The following EGFLAM variants were observed in gnomAD, a reference collection of about 807,000 sequenced individuals.
EGFLAM encodes pikachurin.
A neutral mutation model predicts 113.1 loss-of-function variants in EGFLAM; 79 were observed. That is an observed-to-expected ratio of 0.70 (90% CI 0.58 to 0.84). The LOEUF (loss-of-function observed/expected upper bound fraction) is 0.84, where lower values mean the gene tolerates loss of function less well. Ranked by LOEUF, EGFLAM falls within the 40% of genes least tolerant of loss-of-function variation. The pLI is 0.00. For synonymous variants in EGFLAM, 504 were observed against 487.6 expected, an observed-to-expected ratio of 1.03 and a Z score of -0.44; for missense variants, 1,265 against 1,291.6, an observed-to-expected ratio of 0.98 and a Z score of 0.32.
Position 38,418,179 on chromosome 5 carries a change from G to A in EGFLAM, c.1608G>A (p.Gln536=). 6.2e-7 allele frequency: 1 copy of A among 1,614,204 alleles called. No homozygotes were observed. The change falls in exon 12 of 22, where the codon CAG becomes CAA. Residue 536 remains glutamine (Q), a synonymous_variant. Transcript: ENST00000322350. ...GTNRGFQGCV[Q]SLAVNGRRID... ...ACCGAGGCTTTCAAGGCTGTGTGCA[G>A]TCGCTCGCTGTGAATGGGAGGAGAA...
intron 1 of EGFLAM, among the ~76,000 whole-genome samples, chr5:38,265,123 G>T (rs1757601833): frequency 6.6e-6 from 1 of 152,184 alleles, no homozygotes; most frequent in Non-Finnish European, 1.5e-5. Context: ...GGGAAGAGTG[G>T]CTTGGCCAGA....
intron 1 of EGFLAM, among the ~76,000 whole-genome samples, chr5:38,297,764 TG>T (rs1336870378): frequency 6.6e-6 from 1 of 152,252 alleles, no homozygotes; most frequent in Non-Finnish European, 1.5e-5. Context: ...TTATTGTCCC[TG>T]GGCTCACTAT....
intron 1 of EGFLAM, among the ~76,000 whole-genome samples, chr5:38,280,250 A>T (rs1333237299): frequency 6.6e-6 from 1 of 152,242 alleles, no homozygotes; most frequent in Non-Finnish European, 1.5e-5. Context: ...ACAAATCTTT[A>T]CCCATAGTGA....
At chr5:38,411,053 A>T (rs1270663426) in intron 10 of EGFLAM, among the ~76,000 whole-genome samples, 2 of 152,030 alleles carry the variant, frequency 1.3e-5, no homozygotes, top group Admixed American at 6.5e-5. Context: ...TTTTTCCTTT[A>T]CTTTTCTTAT....
chr5:38,457,575 C>T (rs1163569086), intron 19 of EGFLAM, among the ~76,000 whole-genome samples: 1 of 152,174 alleles, frequency 6.6e-6, no homozygotes, highest in Non-Finnish European at 1.5e-5. Flanking sequence ...ATATTGGATC[C>T]ATGGCTGCCC....
At chr5:38,388,910 G>A (rs1166619239) in intron 6 of EGFLAM, among the ~76,000 whole-genome samples, 10 of 135,924 alleles carry the variant, frequency 7.4e-5, no homozygotes, top group Admixed American at 3.0e-4. Context: ...GCAAGACCCT[G>A]TCTCAAGAAA....
intron 1 of EGFLAM, among the ~76,000 whole-genome samples, chr5:38,331,101 T>C (rs1317275903): frequency 2.6e-5 from 4 of 152,190 alleles, no homozygotes; most frequent in Non-Finnish European, 5.9e-5. Flanking sequence ...TTTAAAAGAC[T>C]ATTTAGAGTT....
chr5:38,370,961 A>G (rs6879031), intron 6 of EGFLAM, among the ~76,000 whole-genome samples: 20,846 of 152,166 alleles, frequency 0.14, 1,495 homozygotes, highest in African/African-American at 0.17. Flanking sequence ...CCAATGGTGT[A>G]TGTTCTCATA....
At chr5:38,365,125 C>T (rs1740025571) in intron 5 of EGFLAM, among the ~76,000 whole-genome samples, 1 of 152,166 alleles carries the variant, frequency 6.6e-6, no homozygotes, top group South Asian at 2.1e-4. Flanking sequence ...AGGATTTAAC[C>T]AGTTTTAGCC....
chr5:38,438,524 C>T, intron 17 of EGFLAM, 69 bp downstream of exon 17: 1 of 1,414,198 alleles, frequency 7.1e-7, no homozygotes, highest in Non-Finnish European at 9.3e-7. Context: ...ATTGGGGGAC[C>T]ACAACTCTTA....
At chr5:38,385,269 TTCCC>T (rs1740625559) in intron 6 of EGFLAM, among the ~76,000 whole-genome samples, 1 of 76,078 alleles carries the variant, frequency 1.3e-5, no homozygotes. Flanking sequence ...CAAGGACTGT[TTCCC>T]ACCCACCCCC....
At chr5:38,370,573 A>C (rs1331099456) in intron 6 of EGFLAM, 111 bp downstream of exon 6, 1 of 1,333,660 alleles carries the variant, frequency 7.5e-7, no homozygotes, top group Non-Finnish European at 1.0e-6. Context: ...GAAAAGGGCT[A>C]ACCCCAGGCT....
intron 6 of EGFLAM, among the ~76,000 whole-genome samples, chr5:38,382,856 A>G (rs1225208138): frequency 6.6e-6 from 1 of 152,130 alleles, no homozygotes; most frequent in Non-Finnish European, 1.5e-5. Context: ...TTGAACTCTA[A>G]TCCCAGCATC....
At chr5:38,399,234 G>A (rs980191776) in intron 6 of EGFLAM, among the ~76,000 whole-genome samples, 3 of 150,710 alleles carry the variant, frequency 2.0e-5, no homozygotes, top group Admixed American at 1.3e-4. Context: ...ATTCCAAATC[G>A]AATTCCTCCT....
At chr5:38,328,396 A>G (rs989516436) in intron 1 of EGFLAM, among the ~76,000 whole-genome samples, 3 of 152,144 alleles carry the variant, frequency 2.0e-5, no homozygotes, top group Non-Finnish European at 4.4e-5. Context: ...TCCAAACCAT[A>G]TTAGTAGCCT....
chr5:38,396,356 G>A (rs1435709444), intron 6 of EGFLAM, among the ~76,000 whole-genome samples: 1 of 152,174 alleles, frequency 6.6e-6, no homozygotes, highest in Non-Finnish European at 1.5e-5. Flanking sequence ...CCCATTAACA[G>A]TCAGTTTACA....
rs190123349 is a variant in EGFLAM, at chr5:38,440,109, T to A, written c.2464+1654T>A. 2.2e-3 allele frequency among the ~76,000 whole-genome samples: 332 copies of A among 152,250 alleles called. 1 individual carries two copies. Among genetic ancestry groups the A allele is most frequent in the Middle Eastern group, 0.01 (3 of 294 alleles). Reference sequence around the variant, plus strand: ...AATCTTACCAGAATGTTGGGGCAGATCCCAGTGAGCACCTGGATCTGGCAA... The same window carrying A: ...AATCTTACCAGAATGTTGGGGCAGAACCCAGTGAGCACCTGGATCTGGCAA... On this transcript the variant is annotated intron_variant, in intron 17 of 21. Coordinates refer to ENST00000322350, the MANE Select transcript of EGFLAM (RefSeq NM_152403.4).
intron 1 of EGFLAM, among the ~76,000 whole-genome samples, chr5:38,277,728 A>G (rs1411474366): frequency 6.6e-6 from 1 of 152,048 alleles, no homozygotes; most frequent in African/African-American, 2.4e-5. Flanking sequence ...CAAAATTAAC[A>G]TGCAAAATCA....
At chr5:38,282,143 T>A (rs1758035275) in intron 1 of EGFLAM, 1 of 152,234 alleles carries the variant, frequency 6.6e-6, no homozygotes. Context: ...ATCTTATACT[T>A]CCTATTTTAC....
Sources: gnomAD v4.1 joint callset for allele counts (sites outside exome capture counted in the v4.1 genomes callset) on GRCh38, gnomAD v4.1.1 for gene constraint, MANE v1.5 for transcripts, NCBI Gene and HGNC (gene_info 2026-07-23, HGNC 2026-07-21) for gene names.